The following FAM167A variants were observed in gnomAD, a reference collection of about 807,000 sequenced individuals.
FAM167A encodes the protein protein FAM167A.
In FAM167A, 23 loss-of-function variants were observed where a neutral mutation model predicts 14.9. The observed-to-expected ratio is 1.55, with a 90% CI of 1.11 to 2.19. The LOEUF (loss-of-function observed/expected upper bound fraction) is 2.19. Ranked by LOEUF, FAM167A falls within the 30% of genes most tolerant of loss-of-function variation. The pLI is 0.00. For synonymous variants in FAM167A, 174 were observed against 117.7 expected (o/e 1.48, Z -3.10); for missense variants, 401 against 281.5 (o/e 1.42, Z -3.04).
upstream of FAM167A, among the ~76,000 whole-genome samples, chr8:11,469,380 C>T (rs536530040): frequency 6.8e-4 from 104 of 152,270 alleles, no homozygotes; most frequent in Admixed American, 9.1e-4. Flanking sequence ...TTTCTGATGG[C>T]ACTTCCTTTT....
intron 1 of FAM167A, chr8:11,445,237 G>A (rs1585260443): frequency 2.0e-6 from 2 of 985,204 alleles, no homozygotes; most frequent in African/African-American, 3.5e-5. Flanking sequence ...ACAGCCGGGG[G>A]GTCCCCAGAG....
intron 1 of FAM167A, among the ~76,000 whole-genome samples, chr8:11,451,532 T>G (rs1051067719): frequency 1.3e-5 from 2 of 152,200 alleles, no homozygotes; most frequent in African/African-American, 4.8e-5. Flanking sequence ...CACCCTCTCC[T>G]TTCCTGTGTG....
rs755737011 is a variant in FAM167A, at chr8:11,424,399, T to C, written c.619A>G (p.Asn207Asp). Residue 207 changes from asparagine to aspartate, a missense_variant, in exon 3 of 3, where the codon AAC becomes GAC. By Grantham distance (23) the Asn-to-Asp change is conservative. Transcript: ENST00000284486. ...CAGCAGAGAGAGAACCTCCGAGAGT[T>C]GATGTTCATCTTGGTCACGCCAATA... ...KLIGVTKMNI[N>D]SRRFSLC 7.4e-6 allele frequency: 12 copies of C among 1,613,576 alleles called. No individual in the cohort carries two copies. In the East Asian group the frequency reaches 2.7e-4, roughly 36 times the overall value.
chr8:11,435,322 C>T (rs961739336), intron 2 of FAM167A, among the ~76,000 whole-genome samples: 1 of 152,184 alleles, frequency 6.6e-6, no homozygotes, highest in African/African-American at 2.4e-5. Flanking sequence ...ATGCGGCCTC[C>T]ACCATGGCAC....
rs968106052 is a variant in FAM167A, at chr8:11,421,810, A to C, written c.*2563T>G. On this transcript the variant is annotated 3_prime_UTR_variant, in exon 3 of 3. Transcript: ENST00000284486. ...GATAATGAGTACAACTGCAAACAGC[A>C]CTGTACACATGTGGTGAGCCAGGAG... 5.0e-6 allele frequency: 2 copies of C among 398,746 alleles called. No individual in the cohort carries two copies. Among genetic ancestry groups the C allele is most frequent in the Non-Finnish European group, 8.8e-6 (2 of 226,104 alleles). 24.7% of individuals were successfully genotyped at this position (398,746 alleles called of 1,614,324 possible). A position where few individuals can be genotyped will look rare whatever the true frequency, so the allele number is the denominator to read the frequency against.
At chr8:11,435,524 C>T (rs1303925448) in intron 2 of FAM167A, among the ~76,000 whole-genome samples, 1 of 152,232 alleles carries the variant, frequency 6.6e-6, no homozygotes, top group Non-Finnish European at 1.5e-5. Context: ...ATTTTCCACA[C>T]TACATTACCC....
chr8:11,439,841 A>G (rs547752621), intron 2 of FAM167A, among the ~76,000 whole-genome samples: 29 of 152,098 alleles, frequency 1.9e-4, no homozygotes, highest in Admixed American at 3.3e-4. Context: ...ATGAAGAGAG[A>G]AAACAGAAAG....
At chr8:11,437,338 A>G (rs890874429) in intron 2 of FAM167A, among the ~76,000 whole-genome samples, 9 of 152,204 alleles carry the variant, frequency 5.9e-5, no homozygotes, top group African/African-American at 2.2e-4. Context: ...GTGTATAAAC[A>G]TGCGTAATAC....
In FAM167A at chr8:11,444,514, A is replaced by C; in HGVS notation, c.-103T>G. 2 of 1,481,164 alleles carry C rather than the reference A, an allele frequency of 1.4e-6. No individual in the cohort carries two copies. The highest frequency in any genetic ancestry group is 4.9e-5 in the Admixed American group (2 of 41,112). The allele number at this position is 1,481,164 out of a possible 1,614,324, so 91.8% of individuals were successfully genotyped here. A position where few individuals can be genotyped will look rare whatever the true frequency, so the allele number is the denominator to read the frequency against. On this transcript the variant is annotated 5_prime_UTR_variant, in exon 2 of 3. Coordinates refer to ENST00000284486, the MANE Select transcript of FAM167A (RefSeq NM_053279.3). The stretch of plus-strand genomic sequence containing the variant: ...GTCCCGCTCTGGGATGGCCTCATCC[A>C]GGTGCCCGAGGGCATTTCCGGGACA...
rs373794282 is a variant in FAM167A at position 11,462,018 on chromosome 8, C to T, written c.-398+4608G>A. On this transcript the variant is annotated intron_variant, in intron 1 of 2. Coordinates refer to ENST00000284486, the MANE Select transcript of FAM167A (RefSeq NM_053279.3). The stretch of plus-strand genomic sequence containing the variant: ...GCCTGGCTTGGACTGCCCAGTGCAG[C>T]CTGTAAGTGGCTGCAGGTGCAGCGC... Among the ~76,000 whole-genome samples the T allele has an allele frequency of 1.1e-4, 17 of 152,310 alleles. No individual in the cohort carries two copies. In the East Asian group the frequency reaches 1.5e-3, roughly 14 times the overall value.
At chr8:11,462,370 G>C (rs1227248202) in intron 1 of FAM167A, among the ~76,000 whole-genome samples, 4 of 152,190 alleles carry the variant, frequency 2.6e-5, no homozygotes, top group South Asian at 2.1e-4. Context: ...GATTGTAATG[G>C]ATCGTACCTC....
chr8:11,452,106 AG>A (rs1464597227), intron 1 of FAM167A, among the ~76,000 whole-genome samples: 2 of 152,190 alleles, frequency 1.3e-5, no homozygotes, highest in South Asian at 2.1e-4. Context: ...GGGGGCAGGG[AG>A]GGGGTGCTGT....
At chr8:11,456,390 T>TGGGA in intron 1 of FAM167A, among the ~76,000 whole-genome samples, 2 of 53,238 alleles carry the variant, frequency 3.8e-5, no homozygotes, top group Non-Finnish European at 4.0e-5. Flanking sequence ...CTGCCTGGTG[T>TGGGA]GTGTGTGAGT....
intron 1 of FAM167A, among the ~76,000 whole-genome samples, chr8:11,445,873 G>C (rs1182071197): frequency 3.9e-5 from 6 of 152,038 alleles, no homozygotes; most frequent in Non-Finnish European, 8.8e-5. Flanking sequence ...AGAATGAATT[G>C]ATATGGAATG....
rs138247169 is a variant in FAM167A, at chr8:11,428,372, G to C, written c.382-3736C>G. ...AGAAAGAGGGCTGACAGTAAGGCCT[G>C]TGTCAGTTTCCATGGACTGGACAAA... On this transcript the variant is annotated intron_variant, in intron 2 of 2. Coordinates refer to ENST00000284486, the MANE Select transcript of FAM167A (RefSeq NM_053279.3). Among the ~76,000 whole-genome samples, 30 of 152,400 alleles carry C rather than the reference G, an allele frequency of 2.0e-4. No homozygotes were observed. In the South Asian group the frequency reaches 4.3e-3, roughly 22 times the overall value.
At chr8:11,455,104 G>A (rs756486810) in intron 1 of FAM167A, among the ~76,000 whole-genome samples, 13 of 152,182 alleles carry the variant, frequency 8.5e-5, no homozygotes, top group Admixed American at 2.6e-4. Context: ...AGTGCTGCAC[G>A]TGGCAGGGAT....
chr8:11,424,790 CACAG>C (rs988423024), intron 2 of FAM167A, among the ~76,000 whole-genome samples, 154 bp from the exon 3 acceptor site: 118 of 152,306 alleles, frequency 7.7e-4, no homozygotes, highest in African/African-American at 2.7e-3. Flanking sequence ...GGTGAAAAGA[CACAG>C]AAAGCAAGGT....
intron 2 of FAM167A, chr8:11,438,329 G>C: frequency 2.4e-6 from 1 of 421,424 alleles, no homozygotes; most frequent in South Asian, 1.7e-5. Flanking sequence ...CTGGCCAGCA[G>C]CCCCAACTCA....
chr8:11,443,290 T>C (rs1301998154), intron 2 of FAM167A, among the ~76,000 whole-genome samples: 3 of 152,202 alleles, frequency 2.0e-5, no homozygotes, highest in Admixed American at 6.5e-5. Context: ...TGAGTCACCA[T>C]GCACAAAAGA....
Sources: gnomAD v4.1 joint callset for allele counts (sites outside exome capture counted in the v4.1 genomes callset) on GRCh38, gnomAD v4.1.1 for gene constraint, MANE v1.5 for transcripts, NCBI Gene and HGNC (gene_info 2026-07-23, HGNC 2026-07-21) for gene names.